NAALADL2: variants seen among roughly 807,000 people sequenced by gnomAD.
The protein encoded by NAALADL2 is inactive N-acetylated-alpha-linked acidic dipeptidase-like protein 2.
In NAALADL2, 76 loss-of-function variants were observed where a neutral mutation model predicts 87.2. That is an observed-to-expected ratio of 0.87 (90% CI 0.72 to 1.05). NAALADL2 has a LOEUF of 1.05. Among genes scored for constraint, NAALADL2 ranks in the 50% least tolerant of loss-of-function variants. NAALADL2 has a pLI of 0.00. For missense variants in NAALADL2, 1,089 were observed against 945.8 expected (o/e 1.15, Z -1.99); for synonymous variants, 354 against 331.0 (o/e 1.07, Z -0.75).
intron 3 of NAALADL2, among the ~76,000 whole-genome samples, chr3:174,820,847 AC>A (rs140285683): frequency 0.013 from 1,932 of 152,184 alleles, 32 homozygotes; most frequent in East Asian, 0.075. Flanking sequence ...TTAAAAAAAA[AC>A]ATTTGTTCCT....
At chr3:174,748,319 A>G (rs942268591) in intron 3 of NAALADL2, among the ~76,000 whole-genome samples, 1 of 135,398 alleles carries the variant, frequency 7.4e-6, no homozygotes, top group African/African-American at 2.7e-5. Context: ...ACTTAAAAAT[A>G]AATTACATTT....
chr3:175,258,851 T>A (rs1391953060), intron 4 of NAALADL2, among the ~76,000 whole-genome samples: 2 of 152,158 alleles, frequency 1.3e-5, no homozygotes, highest in African/African-American at 4.8e-5. Flanking sequence ...AAATAAATTA[T>A]CTGTGTTGAC....
chr3:175,739,197 G>A (rs919176941), intron 12 of NAALADL2, among the ~76,000 whole-genome samples: 1 of 151,772 alleles, frequency 6.6e-6, no homozygotes, highest in Non-Finnish European at 1.5e-5. Flanking sequence ...AGAAGTATTA[G>A]CAATACTGTC....
At chr3:174,452,718 T>G (rs954243279) in intron 1 of NAALADL2, among the ~76,000 whole-genome samples, 6 of 151,738 alleles carry the variant, frequency 4.0e-5, no homozygotes, top group Non-Finnish European at 8.8e-5. Context: ...TGAATCCACC[T>G]TATTACACAG....
intron 9 of NAALADL2, among the ~76,000 whole-genome samples, chr3:175,562,413 A>G (rs1382650569): frequency 6.6e-6 from 1 of 152,010 alleles, no homozygotes; most frequent in Non-Finnish European, 1.5e-5. Context: ...TATTATGTAT[A>G]TATTATATGA....
At chr3:175,114,369 G>T (rs536969877) in intron 2 of NAALADL2, among the ~76,000 whole-genome samples, 1 of 151,680 alleles carries the variant, frequency 6.6e-6, no homozygotes, top group South Asian at 2.1e-4. Flanking sequence ...AGACCATCTG[G>T]CAGGGATAGA....
At chr3:175,698,399 ATGTGTATTTATGTATGTATACATATG>A (rs1364447864) in intron 11 of NAALADL2, among the ~76,000 whole-genome samples, 2,517 of 96,974 alleles carry the variant, frequency 0.026, 396 homozygotes, top group Non-Finnish European at 0.03. Flanking sequence ...ATACATATGT[ATGTGTATTTATGTATGTATACATATG>A]TATGTGTATA....
chr3:175,557,344 A>G (rs1014267977), intron 9 of NAALADL2, among the ~76,000 whole-genome samples: 5 of 152,216 alleles, frequency 3.3e-5, no homozygotes, highest in Non-Finnish European at 7.3e-5. Context: ...TAATAATCAC[A>G]TCAGGGTAAA....
intron 1 of NAALADL2, among the ~76,000 whole-genome samples, chr3:174,452,380 C>T (rs1715545702): frequency 6.6e-6 from 1 of 152,158 alleles, no homozygotes; most frequent in South Asian, 2.1e-4. Flanking sequence ...GGCACCCACC[C>T]ACCCTGGCAC....
At chr3:175,146,454 C>G (rs1428481981) in intron 2 of NAALADL2, among the ~76,000 whole-genome samples, 1 of 152,016 alleles carries the variant, frequency 6.6e-6, no homozygotes, top group Non-Finnish European at 1.5e-5. Context: ...TCTGGTGGGA[C>G]TACTAATAAC....
chr3:175,715,420 T>G (rs1741099560), intron 11 of NAALADL2, among the ~76,000 whole-genome samples: 1 of 152,214 alleles, frequency 6.6e-6, no homozygotes, highest in African/African-American at 2.4e-5. Flanking sequence ...ATATGCATAG[T>G]AAATACCAAA....
intron 5 of NAALADL2, among the ~76,000 whole-genome samples, chr3:175,386,507 T>C (rs995627470): frequency 2.4e-4 from 36 of 151,650 alleles, no homozygotes; most frequent in East Asian, 5.8e-4. Flanking sequence ...TTTTTTTTTT[T>C]CCCCTCTCCC....
At chr3:174,610,762 T>G (rs573558173) in intron 2 of NAALADL2, among the ~76,000 whole-genome samples, 6 of 152,296 alleles carry the variant, frequency 3.9e-5, no homozygotes, top group South Asian at 4.1e-4. Flanking sequence ...TGTGGCGATT[T>G]CTCAGGGATG....
chr3:174,903,792 G>T (rs1298759989), intron 1 of NAALADL2, among the ~76,000 whole-genome samples: 1 of 151,746 alleles, frequency 6.6e-6, no homozygotes, highest in Non-Finnish European at 1.5e-5. Flanking sequence ...CAGGTAATGA[G>T]ATTAAGTAGT....
chr3:175,079,970 C>CT (rs754948428), intron 1 of NAALADL2, among the ~76,000 whole-genome samples: 1,746 of 144,212 alleles, frequency 0.012, 13 homozygotes, highest in Non-Finnish European at 0.017. Flanking sequence ...GAAATATAGA[C>CT]TTTTTTTTTT....
At chr3:175,487,496 C>G in intron 9 of NAALADL2, 1 of 456,520 alleles carries the variant, frequency 2.2e-6, no homozygotes, top group South Asian at 1.5e-5. Context: ...TATCCATGAA[C>G]TAAGAGCAGA....
intron 4 of NAALADL2, among the ~76,000 whole-genome samples, chr3:175,258,322 A>C (rs1260197787): frequency 4.7e-4 from 50 of 107,224 alleles, no homozygotes; most frequent in South Asian, 1.7e-3. Context: ...CGCCCCCACC[A>C]CCAAAAAAAA....
intron 9 of NAALADL2, among the ~76,000 whole-genome samples, chr3:175,566,861 A>G (rs1020866460): frequency 1.3e-5 from 2 of 152,042 alleles, no homozygotes; most frequent in African/African-American, 4.8e-5. Context: ...ATGTTTGTTT[A>G]TGGTAATTTT....
chr3:175,532,332 C>T (rs1029591415), intron 9 of NAALADL2, among the ~76,000 whole-genome samples: 7 of 152,222 alleles, frequency 4.6e-5, no homozygotes, highest in African/African-American at 1.7e-4. Context: ...GGTAAAAGGC[C>T]TGAGTTGTCC....
Sources: allele counts gnomAD v4.1 joint callset (sites outside exome capture counted in the v4.1 genomes callset), GRCh38; gene constraint gnomAD v4.1.1; transcripts MANE v1.5; gene names NCBI Gene and HGNC (gene_info 2026-07-23, HGNC 2026-07-21).